DOCK2: variants seen among roughly 807,000 people sequenced by gnomAD.
DOCK2 encodes dedicator of cytokinesis 2.
DOCK2 carries 87 observed loss-of-function variants against 248.9 expected under a neutral mutation model. That is an observed-to-expected ratio of 0.35 (90% CI 0.29 to 0.42). DOCK2 has a LOEUF of 0.42. DOCK2 is among the 10% of genes least tolerant of loss of function. The pLI, the probability that DOCK2 is intolerant of heterozygous loss-of-function variation, is 1.00. For synonymous variants in DOCK2, 805 were observed against 821.6 expected (o/e 0.98, Z 0.35); for missense variants, 1,747 against 2,300.2 (o/e 0.76, Z 4.92).
chr5:169,654,327 G>C (rs1410842893), intron 1 of DOCK2, 76 bp from the exon 2 acceptor site: 1 of 1,542,984 alleles, frequency 6.5e-7, no homozygotes, highest in African/African-American at 1.4e-5. Context: ...TGGACTTGAG[G>C]CAGGGAAAGC....
chr5:169,645,631 C>T (rs539987363), intron 1 of DOCK2, among the ~76,000 whole-genome samples: 1 of 152,182 alleles, frequency 6.6e-6, no homozygotes, highest in Non-Finnish European at 1.5e-5. Flanking sequence ...TAATTAGATC[C>T]CATTTGTTAA....
intron 33 of DOCK2, 31 bp from the exon 34 acceptor site, chr5:170,027,832 T>C (rs1755974396): frequency 1.3e-6 from 2 of 1,599,576 alleles, no homozygotes; most frequent in Admixed American, 3.4e-5. Context: ...CTTCTGATGT[T>C]ATTGTTGATT....
chr5:169,991,018 C>T (rs942156332), intron 29 of DOCK2, among the ~76,000 whole-genome samples: 3 of 152,258 alleles, frequency 2.0e-5, no homozygotes, highest in African/African-American at 7.2e-5. Flanking sequence ...TCATGTACTG[C>T]AGCTCATTTA....
chr5:169,716,129 TATAG>T (rs967623100), intron 19 of DOCK2, 80 bp from the exon 20 acceptor site: 2 of 1,209,394 alleles, frequency 1.7e-6, no homozygotes, highest in African/African-American at 1.5e-5. Context: ...CTCATTCTCT[TATAG>T]ATAGTTAGGA....
chr5:170,001,881 A>T (rs1754845711), intron 30 of DOCK2, among the ~76,000 whole-genome samples: 1 of 152,206 alleles, frequency 6.6e-6, no homozygotes, highest in African/African-American at 2.4e-5. Context: ...CTTTGCTTGG[A>T]TGAATGGAGA....
At chr5:169,810,173 C>T (rs981063436) in intron 26 of DOCK2, among the ~76,000 whole-genome samples, 17 of 152,248 alleles carry the variant, frequency 1.1e-4, no homozygotes, top group South Asian at 6.2e-4. Context: ...TCCCTGGGGT[C>T]TTGTGCGCTG....
chr5:169,971,513 T>A (rs538502745), intron 27 of DOCK2, among the ~76,000 whole-genome samples: 28 of 151,754 alleles, frequency 1.8e-4, no homozygotes, highest in Non-Finnish European at 1.8e-4. Context: ...ATGTGAAACC[T>A]TGGAGTCAGC....
intron 26 of DOCK2, among the ~76,000 whole-genome samples, chr5:169,839,819 T>C (rs1769830848): frequency 6.6e-6 from 1 of 152,160 alleles, no homozygotes; most frequent in Admixed American, 6.5e-5. Flanking sequence ...CACTGCCTCC[T>C]CAATTTGTCC....
Position 169,948,609 on chromosome 5 carries a change from A to G in DOCK2, c.2800-34459A>G, listed in dbSNP as rs75621899. ...TCCTTTCTTATTCCTTCCTTCCACA[A>G]TTAATTTTTTTTTTTTTTTTTAGAG... On this transcript the variant is annotated intron_variant, in intron 27 of 51. Transcript: ENST00000520908. Among the ~76,000 whole-genome samples the G allele has an allele frequency of 8.1e-3, 1,207 of 149,140 alleles. 61 individuals are homozygous for G. In the East Asian group the frequency reaches 0.13, roughly 17 times the overall value.
intron 27 of DOCK2, among the ~76,000 whole-genome samples, chr5:169,877,882 C>T (rs768652918): frequency 2.0e-5 from 3 of 152,100 alleles, no homozygotes; most frequent in African/African-American, 7.2e-5. Flanking sequence ...CTTCACCCAC[C>T]GAAAACCGTA....
rs183740699 is a variant in DOCK2, at chr5:169,971,355, G to A, written c.2800-11713G>A. ...GGTTGGCTATGCAGTGCCCTAGCCA[G>A]GGGTCAGCCACAGCTGGCACGTGAG... is the stretch of plus-strand genomic sequence containing the variant. On this transcript the variant is annotated intron_variant, in intron 27 of 51. Coordinates refer to ENST00000520908, the MANE Select transcript of DOCK2 (RefSeq NM_004946.3). Among the ~76,000 whole-genome samples the A allele has an allele frequency of 1.3e-3, 204 of 152,110 alleles. 1 individual carries two copies. The highest frequency in any genetic ancestry group is 5.7e-3 in the Admixed American group (87 of 15,290).
chr5:169,885,729 C>T (rs1772933032), intron 27 of DOCK2, among the ~76,000 whole-genome samples: 1 of 152,238 alleles, frequency 6.6e-6, no homozygotes, highest in South Asian at 2.1e-4. Context: ...ATAACTCATT[C>T]ATTAATCACA....
At chr5:170,063,227 C>G (rs1285311738) in intron 44 of DOCK2, among the ~76,000 whole-genome samples, 1 of 152,162 alleles carries the variant, frequency 6.6e-6, no homozygotes, top group Non-Finnish European at 1.5e-5. Flanking sequence ...AAAATTGCAA[C>G]CCCCTATTCC....
At chr5:170,010,798 G>A (rs960243838) in intron 32 of DOCK2, among the ~76,000 whole-genome samples, 13 of 152,176 alleles carry the variant, frequency 8.5e-5, no homozygotes, top group Admixed American at 2.0e-4. Context: ...TCCCCAGCTC[G>A]ACACCCCAGG....
At chr5:169,646,486 C>T (rs190431314) in intron 1 of DOCK2, among the ~76,000 whole-genome samples, 1 of 152,318 alleles carries the variant, frequency 6.6e-6, no homozygotes, top group African/African-American at 2.4e-5. Flanking sequence ...TGCCCCTTTT[C>T]ACCTTGTCTT....
At chr5:169,665,686 A>T (rs534332501) in intron 2 of DOCK2, among the ~76,000 whole-genome samples, 1 of 152,210 alleles carries the variant, frequency 6.6e-6, no homozygotes, top group African/African-American at 2.4e-5. Context: ...CTAAAAAAAT[A>T]GTGTTTGTAG....
intron 44 of DOCK2, among the ~76,000 whole-genome samples, chr5:170,063,963 T>C (rs1757412391): frequency 6.6e-6 from 1 of 152,166 alleles, no homozygotes; most frequent in Non-Finnish European, 1.5e-5. Flanking sequence ...ACACATTTAA[T>C]ACCCCCACCT....
At chr5:169,777,261 A>G (rs1765435991) in intron 25 of DOCK2, among the ~76,000 whole-genome samples, 1 of 152,346 alleles carries the variant, frequency 6.6e-6, no homozygotes, top group Admixed American at 6.5e-5. Context: ...GAGTTGGAGT[A>G]ACATGATCCA....
At chr5:169,846,195 G>T (rs1056076232) in intron 27 of DOCK2, among the ~76,000 whole-genome samples, 1 of 152,164 alleles carries the variant, frequency 6.6e-6, no homozygotes, top group Admixed American at 6.5e-5. Context: ...CCCCAAGTGG[G>T]TATAGGATGG....
Sources: gnomAD v4.1 joint callset for allele counts (sites outside exome capture counted in the v4.1 genomes callset) on GRCh38, gnomAD v4.1.1 for gene constraint, MANE v1.5 for transcripts, NCBI Gene and HGNC (gene_info 2026-07-23, HGNC 2026-07-21) for gene names.